Variants in PARD6B observed in about 807,000 individuals in gnomAD.
PARD6B encodes par-6 family cell polarity regulator beta.
In PARD6B, 4 loss-of-function variants were observed where a neutral mutation model predicts 10.5. That is an observed-to-expected ratio of 0.38 (90% CI 0.19 to 0.87). The LOEUF (loss-of-function observed/expected upper bound fraction) is 0.87, where lower values mean the gene tolerates loss of function less well. Ranked by LOEUF, PARD6B falls within the 40% of genes least tolerant of loss-of-function variation. The pLI is 0.41. For missense variants in PARD6B, 396 were observed against 470.6 expected (o/e 0.84, Z 1.47); for synonymous variants, 169 against 170.4 (o/e 0.99, Z 0.07).
In PARD6B at chr20:50,742,375, A is replaced by T. The variant is rs573254166; in HGVS notation, c.289+4296A>T. ...GATTTATTTTATTTTATTTTATTTT[A>T]TTTTTTTTGAGACAGAGTCTTACTC... On this transcript the variant is annotated intron_variant, in intron 2 of 2. Transcript: ENST00000371610. Among the ~76,000 whole-genome samples the T allele has an allele frequency of 5.5e-3, 824 of 149,122 alleles. 5 individuals carry two copies. Among genetic ancestry groups the T allele is most frequent in the African/African-American group, 0.016 (642 of 40,384 alleles).
Position 50,751,431 on chromosome 20 carries a change from C to G in PARD6B, c.*943C>G. On this transcript the variant is annotated 3_prime_UTR_variant, in exon 3 of 3. Transcript: ENST00000371610. Reference sequence around the variant, plus strand: ...AGTGCAGTGGCGCGATCTTGGCTCACTGCAAGCTCTACCTCCTGGGTTCAC... The same window carrying G: ...AGTGCAGTGGCGCGATCTTGGCTCAGTGCAAGCTCTACCTCCTGGGTTCAC... 2 of 780,028 alleles carry G rather than the reference C, an allele frequency of 2.6e-6. No homozygotes were observed. The highest frequency in any genetic ancestry group is 3.0e-6 in the Non-Finnish European group (2 of 655,948). 48.3% of individuals were successfully genotyped at this position (780,028 alleles called of 1,614,324 possible).
chr20:50,731,650 C>T lies in PARD6B; in HGVS notation c.-137C>T. On this transcript the variant is annotated 5_prime_UTR_variant, in exon 1 of 3. Coordinates refer to ENST00000371610, the MANE Select transcript of PARD6B (RefSeq NM_032521.3). ...CTCAGCGCGGACGCCGGAGCTGCGG[C>T]CGCCCCCTCTGCAGGTGCCTGTGAG... 4.9e-6 allele frequency: 3 copies of T among 606,286 alleles called. No homozygotes were observed. Among genetic ancestry groups the T allele is most frequent in the South Asian group, 5.9e-5 (2 of 33,724 alleles). 37.6% of individuals were successfully genotyped at this position (606,286 alleles called of 1,614,324 possible).
chr20:50,738,845 G>T (rs1013006332), intron 2 of PARD6B, among the ~76,000 whole-genome samples: 1 of 151,880 alleles, frequency 6.6e-6, no homozygotes, highest in Non-Finnish European at 1.5e-5. Flanking sequence ...TTACTATGTT[G>T]CCTGGTCTCC....
chr20:50,751,388 C>T lies in PARD6B; in HGVS notation c.*900C>T, dbSNP rs2087608886. On this transcript the variant is annotated 3_prime_UTR_variant, in exon 3 of 3. Transcript: ENST00000371610. ...TTTTTTTTTTTGAGATGGAGTCTCG[C>T]TCTATCGCCCAGGCTGGAGTGCAGT... 2.4e-6 allele frequency: 2 copies of T among 839,830 alleles called. No homozygotes were observed. The highest frequency in any genetic ancestry group is 1.1e-4 in the South Asian group (2 of 17,904). 52.0% of individuals were successfully genotyped at this position (839,830 alleles called of 1,614,324 possible). A position where few individuals can be genotyped will look rare whatever the true frequency, so the allele number is the denominator to read the frequency against.
chr20:50,741,369 C>G (rs1445418258), intron 2 of PARD6B, among the ~76,000 whole-genome samples: 1 of 152,082 alleles, frequency 6.6e-6, no homozygotes, highest in African/African-American at 2.4e-5. Context: ...ATAAGTTTGT[C>G]AGAGGAGTCT....
At chr20:50,743,683 T>TC (rs2087543605) in intron 2 of PARD6B, among the ~76,000 whole-genome samples, 1 of 151,982 alleles carries the variant, frequency 6.6e-6, no homozygotes, top group Admixed American at 6.6e-5. Context: ...GATCAGGAGA[T>TC]CGAGACCATC....
At chr20:50,743,247 C>T (rs2087540741) in intron 2 of PARD6B, among the ~76,000 whole-genome samples, 1 of 152,220 alleles carries the variant, frequency 6.6e-6, no homozygotes, top group African/African-American at 2.4e-5. Flanking sequence ...ACAGACCCCT[C>T]TCCAGATCTA....
chr20:50,745,165 C>T (rs1036851624), intron 2 of PARD6B, among the ~76,000 whole-genome samples: 1 of 152,142 alleles, frequency 6.6e-6, no homozygotes, highest in African/African-American at 2.4e-5. Context: ...CGCAGTGGCT[C>T]ACGCCTGTAA....
chr20:50,738,048 T>A lies in PARD6B; in HGVS notation c.258T>A (p.Asn86Lys). 1 of 1,610,414 alleles carries A rather than the reference T, an allele frequency of 6.2e-7. No individual in the cohort carries two copies. Among genetic ancestry groups the A allele is most frequent in the Non-Finnish European group, 8.5e-7 (1 of 1,178,432 alleles). ...ATCACAAAGCTGTTTCAACGGCCAA[T>A]CCACTGCTTAGGATATTTATACAAA... ...DNYHKAVSTA[N>K]PLLRIFIQKK... Residue 86 changes from asparagine (N) to lysine (K), a missense_variant, in exon 2 of 3, where the codon AAT becomes AAA. Around this residue, in one of 2 missense-constraint regions of PARD6B, gnomAD observed 208 missense variants for 300.9 expected, o/e 0.69. Coordinates refer to ENST00000371610, the MANE Select transcript of PARD6B (RefSeq NM_032521.3).
Position 50,731,795 on chromosome 20 carries a change from C to T in PARD6B, c.9C>T (p.Arg3=), listed in dbSNP as rs755768709. The T allele has an allele frequency of 2.7e-5, 39 of 1,462,738 alleles. 1 individual carries two copies. The highest frequency in any genetic ancestry group is 1.2e-4 in the African/African-American group (8 of 68,104). The allele number at this position is 1,462,738 out of a possible 1,614,324, so 90.6% of individuals were successfully genotyped here. Residue 3 remains arginine, a synonymous_variant, in exon 1 of 3, where the codon CGC becomes CGT. Transcript: ENST00000371610. MN[R]SHRHGAGSGC... is the part of the protein sequence containing the mutation. ...GGGGCTCGGCGTTCAGCATGAACCG[C>T]AGCCACCGGCACGGGGCGGGCAGCG...
At chr20:50,745,162 G>T (rs2087559314) in intron 2 of PARD6B, among the ~76,000 whole-genome samples, 1 of 152,134 alleles carries the variant, frequency 6.6e-6, no homozygotes, top group African/African-American at 2.4e-5. Flanking sequence ...GGGCGCAGTG[G>T]CTCACGCCTG....
Position 50,751,389 on chromosome 20 carries a change from TC to T in PARD6B, c.*902del, listed in dbSNP as rs2087608924. 1 of 858,750 alleles carries T rather than the reference TC, an allele frequency of 1.2e-6. No individual in the cohort carries two copies. Among genetic ancestry groups the T allele is most frequent in the Non-Finnish European group, 1.4e-6 (1 of 725,662 alleles). The allele number at this position is 858,750 out of a possible 1,614,324, so 53.2% of individuals were successfully genotyped here. A position where few individuals can be genotyped will look rare whatever the true frequency, so the allele number is the denominator to read the frequency against. ...TTTTTTTTTTGAGATGGAGTCTCGC[TC>T]TATCGCCCAGGCTGGAGTGCAGTGG... On this transcript the variant is annotated 3_prime_UTR_variant, in exon 3 of 3. Transcript: ENST00000371610.
chr20:50,740,450 T>C (rs1244562040), intron 2 of PARD6B, among the ~76,000 whole-genome samples: 3 of 152,240 alleles, frequency 2.0e-5, no homozygotes, highest in African/African-American at 7.2e-5. Flanking sequence ...AGTTGAGTTA[T>C]ACCACCACAT....
Position 50,731,831 on chromosome 20 carries a change from C to T in PARD6B, c.45C>T (p.Gly15=). The T allele has an allele frequency of 6.8e-7, 1 of 1,463,188 alleles. No individual in the cohort carries two copies. Among genetic ancestry groups the T allele is most frequent in the Non-Finnish European group, 9.0e-7 (1 of 1,113,130 alleles). 90.6% of individuals were successfully genotyped at this position (1,463,188 alleles called of 1,614,324 possible). ...ACGGGGCGGGCAGCGGCTGCCTGGG[C>T]ACTATGGAGGTGAAGAGCAAGGTGC... The part of the protein sequence containing the change: ...HRHGAGSGCL[G]TMEVKSKFGA... The change falls in exon 1 of 3, where the codon GGC becomes GGT. Residue 15 remains glycine, a synonymous_variant. Coordinates refer to ENST00000371610, the MANE Select transcript of PARD6B (RefSeq NM_032521.3).
intron 1 of PARD6B, among the ~76,000 whole-genome samples, chr20:50,735,239 G>A (rs1049437127): frequency 2.0e-5 from 3 of 152,180 alleles, no homozygotes; most frequent in Non-Finnish European, 4.4e-5. Context: ...TAAAAGAATG[G>A]AGAATGTAAA....
In PARD6B at chr20:50,750,164, C is replaced by T. The variant is rs1272280839; in HGVS notation, c.795C>T (p.Ser265=). The T allele has an allele frequency of 5.0e-6, 8 of 1,614,222 alleles. No individual in the cohort carries two copies. The highest frequency in any genetic ancestry group is 2.7e-5 in the African/African-American group (2 of 75,050). The part of the protein sequence containing the change: ...VVRNSRTSGS[S]GQSTDNSLLG... ...GGAACAGTCGGACTTCTGGCAGTTC[C>T]GGTCAGTCTACTGATAACAGCCTTC... The change falls in exon 3 of 3, where the codon TCC becomes TCT. Residue 265 remains serine (S), a synonymous_variant. Transcript: ENST00000371610.
At chr20:50,740,985 G>T (rs2087527243) in intron 2 of PARD6B, among the ~76,000 whole-genome samples, 1 of 148,604 alleles carries the variant, frequency 6.7e-6, no homozygotes, top group Admixed American at 6.7e-5. Flanking sequence ...TTTTGAGATG[G>T]AGTCTTGCTC....
Position 50,738,084 on chromosome 20 carries a change from G to A in PARD6B, c.289+5G>A. ...GGATATTTATACAAAAGAAGGGTAA[G>A]TATCACTGTTTAGAAAAATTGTGTT... On this transcript the variant is annotated splice_donor_5th_base_variant and intron_variant, in intron 2 of 2. Coordinates refer to ENST00000371610, the MANE Select transcript of PARD6B (RefSeq NM_032521.3). 1 of 1,561,426 alleles carries A rather than the reference G, an allele frequency of 6.4e-7. No homozygotes were observed. Among genetic ancestry groups the A allele is most frequent in the Non-Finnish European group, 8.7e-7 (1 of 1,150,616 alleles).
chr20:50,738,588 A>T (rs1048747351), intron 2 of PARD6B, among the ~76,000 whole-genome samples: 8 of 152,226 alleles, frequency 5.3e-5, no homozygotes, highest in Non-Finnish European at 8.8e-5. Context: ...TAGAATTACT[A>T]TGAGGATTAA....
Sources: gnomAD v4.1 joint callset for allele counts (sites outside exome capture counted in the v4.1 genomes callset) on GRCh38, gnomAD v4.1.1 for gene constraint, gnomAD v4.1.1 regional missense constraint, MANE v1.5 for transcripts, NCBI Gene and HGNC (gene_info 2026-07-23, HGNC 2026-07-21) for gene names.